The following NMD3 variants were observed in gnomAD, a reference collection of about 807,000 sequenced individuals.
NMD3 encodes NMD3 ribosome export adaptor.
NMD3 carries 47 observed loss-of-function variants against 73.1 expected under a neutral mutation model. The ratio of observed to expected loss-of-function variants is 0.64; its 90% confidence interval spans 0.51 to 0.82. The LOEUF is 0.82. Ranked by LOEUF, NMD3 falls within the 40% of genes least tolerant of loss-of-function variation. NMD3 has a pLI of 0.00. For missense variants in NMD3, 554 were observed against 612.5 expected (o/e 0.90, Z 1.01); for synonymous variants, 210 against 194.5 (o/e 1.08, Z -0.66).
At chr3:161,223,496 C>T (rs1576839460) in intron 2 of NMD3, among the ~76,000 whole-genome samples, 3 of 147,192 alleles carry the variant, frequency 2.0e-5, no homozygotes, top group Admixed American at 6.8e-5. Context: ...AGTCCTTATG[C>T]TTTTTTTTTT....
At chr3:161,232,831 A>T (rs1736593435) in intron 4 of NMD3, among the ~76,000 whole-genome samples, 1 of 152,032 alleles carries the variant, frequency 6.6e-6, no homozygotes, top group South Asian at 2.1e-4. Flanking sequence ...TTCTCCCCAA[A>T]CACCCATTCT....
At chr3:161,250,426 TTTAA>T (rs1737436801) in intron 15 of NMD3, 100 bp downstream of exon 15, 27 of 700,468 alleles carry the variant, frequency 3.9e-5, no homozygotes, top group Non-Finnish European at 6.4e-5. Flanking sequence ...CATAAATGTC[TTTAA>T]TTGTTTTTTC....
At chr3:161,224,206 A>G (rs1172717332) in intron 2 of NMD3, among the ~76,000 whole-genome samples, 2 of 152,170 alleles carry the variant, frequency 1.3e-5, no homozygotes, top group Admixed American at 1.3e-4. Context: ...GGCTATTTAA[A>G]TGTAAATTTG....
chr3:161,244,639 CTTTT>C (rs11336851), intron 11 of NMD3, among the ~76,000 whole-genome samples: 20 of 128,836 alleles, frequency 1.6e-4, no homozygotes, highest in Admixed American at 2.3e-4. Flanking sequence ...ATTTCTTTTC[CTTTT>C]TTTTTTTTTT....
chr3:161,242,242 C>G (rs1409020689), intron 10 of NMD3, among the ~76,000 whole-genome samples: 1 of 152,038 alleles, frequency 6.6e-6, no homozygotes, highest in Admixed American at 6.6e-5. Flanking sequence ...TGGCTCTGAT[C>G]TTACTTAAGA....
At chr3:161,227,151 C>A in intron 3 of NMD3, 96 bp from the exon 4 acceptor site, 14 of 624,882 alleles carry the variant, frequency 2.2e-5, no homozygotes, top group Non-Finnish European at 3.1e-5. Context: ...TTTTATTATG[C>A]CTGGTTAATA....
intron 4 of NMD3, among the ~76,000 whole-genome samples, chr3:161,230,205 C>T (rs530683420): frequency 6.6e-6 from 1 of 152,124 alleles, no homozygotes; most frequent in Non-Finnish European, 1.5e-5. Context: ...CTCAGGTGAT[C>T]CTTCTGCCTC....
rs1737499382 is a variant in NMD3 at position 161,251,837 on chromosome 3, G to C, written c.*927G>C. 1 of 152,170 alleles carries C rather than the reference G, an allele frequency of 6.6e-6. No individual in the cohort carries two copies. Among genetic ancestry groups the C allele is most frequent in the African/African-American group, 2.4e-5 (1 of 41,446 alleles). 9.4% of individuals were successfully genotyped at this position (152,170 alleles called of 1,614,324 possible). The stretch of plus-strand genomic sequence containing the variant: ...CATTAATCAGATTTGAATGAGGAAT[G>C]CTTCCCACATCCTTGAAAGAAAAAC... On this transcript the variant is annotated 3_prime_UTR_variant, in exon 16 of 16. Transcript: ENST00000351193.
chr3:161,252,806 A>G, downstream of NMD3: 1 of 694,668 alleles, frequency 1.4e-6, no homozygotes, highest in Non-Finnish European at 2.6e-6. Flanking sequence ...TAGAGTCAGA[A>G]GTCACTGAGG....
intron 14 of NMD3, among the ~76,000 whole-genome samples, chr3:161,249,877 T>TTGTG (rs1278735170): frequency 6.6e-6 from 1 of 152,226 alleles, no homozygotes; most frequent in African/African-American, 2.4e-5. Context: ...GGTGATTTTG[T>TTGTG]TGTGTGAGCA....
chr3:161,249,626 G>A (rs1737399116), intron 14 of NMD3, 66 bp downstream of exon 14: 1 of 1,044,736 alleles, frequency 9.6e-7, no homozygotes, highest in Non-Finnish European at 1.5e-6. Flanking sequence ...TACTTTTTAT[G>A]TTGTAAAGAA....
chr3:161,251,118 A>G lies in NMD3; in HGVS notation c.*208A>G. 2.5e-6 allele frequency: 1 copy of G among 394,922 alleles called. No homozygotes were observed. Among genetic ancestry groups the G allele is most frequent in the Non-Finnish European group, 4.6e-6 (1 of 218,798 alleles). The allele number at this position is 394,922 out of a possible 1,614,324, so 24.5% of individuals were successfully genotyped here. On this transcript the variant is annotated 3_prime_UTR_variant, in exon 16 of 16. Coordinates refer to ENST00000351193, the MANE Select transcript of NMD3 (RefSeq NM_015938.5). ...GATAAGGAAAGATTATGGAGAATGT[A>G]GTTGTTATTGATTTTTGGCAATTTT...
intron 3 of NMD3, 135 bp downstream of exon 3, chr3:161,225,199 G>A (rs189593741): frequency 1.0e-5 from 10 of 972,884 alleles, no homozygotes; most frequent in Middle Eastern, 2.3e-4. Context: ...TGTTGGTGTC[G>A]CCAAAGATTT....
At chr3:161,242,366 T>C in intron 10 of NMD3, 142 bp from the exon 11 acceptor site, 1 of 632,220 alleles carries the variant, frequency 1.6e-6, no homozygotes, top group South Asian at 2.3e-5. Context: ...GAGTAATTGA[T>C]GACCCTAAGG....
At chr3:161,229,746 G>A (rs1216917195) in intron 4 of NMD3, among the ~76,000 whole-genome samples, 1 of 152,178 alleles carries the variant, frequency 6.6e-6, no homozygotes, top group Non-Finnish European at 1.5e-5. Context: ...AAATAATTGG[G>A]TAATGAGGAG....
At chr3:161,247,632 CA>C (rs1737277193) in intron 13 of NMD3, among the ~76,000 whole-genome samples, 1 of 151,060 alleles carries the variant, frequency 6.6e-6, no homozygotes, top group South Asian at 2.1e-4. Context: ...ATTAAAAATA[CA>C]AAAAAATTAG....
chr3:161,234,441 A>C (rs925791930), intron 5 of NMD3, among the ~76,000 whole-genome samples: 30 of 108,620 alleles, frequency 2.8e-4, no homozygotes, highest in Non-Finnish European at 4.0e-4. Context: ...AAAAAAAATT[A>C]TATATATATA....
rs1736070273 is a variant in NMD3, at chr3:161,221,380, G to C, written c.-50G>C. 2.0e-5 allele frequency: 3 copies of C among 152,296 alleles called. No homozygotes were observed. Among genetic ancestry groups the C allele is most frequent in the African/African-American group, 7.2e-5 (3 of 41,468 alleles). The allele number at this position is 152,296 out of a possible 1,614,324, so 9.4% of individuals were successfully genotyped here. On this transcript the variant is annotated 5_prime_UTR_variant, in exon 1 of 16. Transcript: ENST00000351193. ...GGGTCTATTTTGTTGCGGGTTTTCA[G>C]CAAATCCAGGGCTGGTCTGGAGGCG...
chr3:161,248,404 T>A (rs765521440), intron 13 of NMD3, among the ~76,000 whole-genome samples: 6 of 151,916 alleles, frequency 3.9e-5, no homozygotes, highest in African/African-American at 1.2e-4. Context: ...GCAGGAGAAT[T>A]GCTTGAACCT....
Sources: gnomAD v4.1 joint callset for allele counts (sites outside exome capture counted in the v4.1 genomes callset) on GRCh38, gnomAD v4.1.1 for gene constraint, MANE v1.5 for transcripts, NCBI Gene and HGNC (gene_info 2026-07-23, HGNC 2026-07-21) for gene names.